The following MGLL variants were observed in gnomAD, a reference collection of about 807,000 sequenced individuals.
MGLL encodes the protein lysophospholipase homolog.
In MGLL, 7 loss-of-function variants were observed where a neutral mutation model predicts 29.1. The observed-to-expected ratio is 0.24, with a 90% CI of 0.14 to 0.45. The LOEUF (loss-of-function observed/expected upper bound fraction) is 0.45. Among genes scored for constraint, MGLL ranks in the 20% least tolerant of loss-of-function variants. The pLI is 0.99. For missense variants in MGLL, 356 were observed against 413.6 expected, an observed-to-expected ratio of 0.86 and a Z score of 1.21; for synonymous variants, 148 against 168.3, an observed-to-expected ratio of 0.88 and a Z score of 0.93.
chr3:127,800,349 T>C (rs1323128045), intron 2 of MGLL, among the ~76,000 whole-genome samples: 1 of 152,200 alleles, frequency 6.6e-6, no homozygotes, highest in Admixed American at 6.5e-5. Context: ...CCTTAACAAA[T>C]GCAGACTATC....
Position 127,822,339 on chromosome 3 carries a change from C to T in MGLL, c.-21G>A, listed in dbSNP as rs1431133850. The T allele has an allele frequency of 1.2e-6, 2 of 1,613,710 alleles. No individual in the cohort carries two copies. The highest frequency in any genetic ancestry group is 2.2e-5 in the South Asian group (2 of 91,078). Reference sequence around the variant, plus strand: ...TCCATTATGTGCTGGCGTTTGCATTCCACAACCACGACAGCCTGGAGAATC... The same window carrying T: ...TCCATTATGTGCTGGCGTTTGCATTTCACAACCACGACAGCCTGGAGAATC... On this transcript the variant is annotated 5_prime_UTR_variant, in exon 1 of 8. Transcript: ENST00000265052.
At chr3:127,784,298 T>C (rs997351932) in intron 2 of MGLL, among the ~76,000 whole-genome samples, 1 of 152,194 alleles carries the variant, frequency 6.6e-6, no homozygotes, top group Non-Finnish European at 1.5e-5. Flanking sequence ...CTGGGTTTAA[T>C]TGGTCTGAGG....
chr3:127,762,246 G>T (rs2076778208), intron 3 of MGLL, among the ~76,000 whole-genome samples: 2 of 151,984 alleles, frequency 1.3e-5, no homozygotes, highest in Non-Finnish European at 2.9e-5. Flanking sequence ...CTGCTCCTGA[G>T]CTCTCCGCGT....
intron 3 of MGLL, among the ~76,000 whole-genome samples, chr3:127,728,212 C>G (rs1179471903): frequency 6.6e-6 from 1 of 152,218 alleles, no homozygotes; most frequent in Non-Finnish European, 1.5e-5. Context: ...TCTCCTCCAT[C>G]TCCCCGCTCG....
intron 2 of MGLL, among the ~76,000 whole-genome samples, chr3:127,813,324 C>G (rs1286855610): frequency 6.6e-6 from 1 of 152,166 alleles, no homozygotes. Context: ...CCTGGCTGCT[C>G]TAAGTAGGTC....
chr3:127,764,174 T>C (rs773242455), intron 3 of MGLL, among the ~76,000 whole-genome samples: 1 of 152,092 alleles, frequency 6.6e-6, no homozygotes, highest in Non-Finnish European at 1.5e-5. Flanking sequence ...TCTGACATGA[T>C]AAAGATGGGC....
At chr3:127,705,067 T>C (rs1231297901) in intron 6 of MGLL, among the ~76,000 whole-genome samples, 1 of 152,220 alleles carries the variant, frequency 6.6e-6, no homozygotes, top group Non-Finnish European at 1.5e-5. Context: ...TCATGTCCTT[T>C]GCAGGGACGT....
At chr3:127,699,632 T>C in intron 6 of MGLL, among the ~76,000 whole-genome samples, 1 of 152,218 alleles carries the variant, frequency 6.6e-6, no homozygotes, top group Non-Finnish European at 1.5e-5. Flanking sequence ...ACTCTGCCAC[T>C]GCCATCAGCA....
chr3:127,719,255 T>A (rs1273252697), intron 5 of MGLL, among the ~76,000 whole-genome samples: 9 of 152,170 alleles, frequency 5.9e-5, no homozygotes, highest in Admixed American at 5.9e-4. Flanking sequence ...AGCTGCCAGG[T>A]CCCCCTGGTG....
chr3:127,739,744 A>G lies in MGLL; in HGVS notation c.263-17178T>C, dbSNP rs181606404. 2.1e-4 allele frequency among the ~76,000 whole-genome samples: 32 copies of G among 152,326 alleles called. No homozygotes were observed. The East Asian group carries it at 5.0e-3, about 24-fold the overall frequency. Reference sequence around the variant, plus strand: ...GAGATTTCATTCATGGAACTCTTACATGGACAACTGGATGCCACGCAGGGG... The same window carrying G: ...GAGATTTCATTCATGGAACTCTTACGTGGACAACTGGATGCCACGCAGGGG... On this transcript the variant is annotated intron_variant, in intron 3 of 7. Transcript: ENST00000265052.
At chr3:127,766,132 C>T (rs374070307) in intron 3 of MGLL, among the ~76,000 whole-genome samples, 110 of 152,296 alleles carry the variant, frequency 7.2e-4, no homozygotes, top group African/African-American at 2.6e-3. Flanking sequence ...CCCATGATCA[C>T]TCCCAAAGGT....
intron 3 of MGLL, among the ~76,000 whole-genome samples, chr3:127,770,632 A>C (rs370750399): frequency 6.6e-6 from 1 of 152,190 alleles, no homozygotes; most frequent in Non-Finnish European, 1.5e-5. Flanking sequence ...GTGCAGCTGC[A>C]TAGAGGGAGT....
intron 2 of MGLL, among the ~76,000 whole-genome samples, chr3:127,800,033 G>T (rs2077449214): frequency 6.6e-6 from 1 of 152,200 alleles, no homozygotes; most frequent in Admixed American, 6.5e-5. Context: ...AATAGAATAT[G>T]AATAGAAGTG....
chr3:127,777,736 C>T (rs2077059989), intron 3 of MGLL, among the ~76,000 whole-genome samples: 1 of 137,166 alleles, frequency 7.3e-6, no homozygotes, highest in Non-Finnish European at 1.6e-5. Context: ...ACAAAACTTC[C>T]CTTTGCTAAC....
At chr3:127,726,146 AAG>A (rs1284020467) in intron 3 of MGLL, among the ~76,000 whole-genome samples, 3 of 26,884 alleles carry the variant, frequency 1.1e-4, no homozygotes, top group African/African-American at 4.3e-4. Context: ...GAAAGAAAGA[AAG>A]AAAGAAAGAA....
chr3:127,728,306 T>TATCCATCC (rs35156008), intron 3 of MGLL, among the ~76,000 whole-genome samples: 16 of 152,098 alleles, frequency 1.1e-4, no homozygotes, highest in Admixed American at 3.3e-4. Flanking sequence ...ACTACCTGTT[T>TATCCATCC]ATCCATCCAT....
intron 2 of MGLL, among the ~76,000 whole-genome samples, chr3:127,794,911 T>C (rs1184240294): frequency 6.6e-6 from 1 of 152,232 alleles, no homozygotes; most frequent in East Asian, 1.9e-4. Context: ...AGAAAGTTAA[T>C]GTGTGTCTAG....
intron 2 of MGLL, among the ~76,000 whole-genome samples, chr3:127,788,758 T>C (rs1180416284): frequency 6.6e-6 from 1 of 152,212 alleles, no homozygotes; most frequent in African/African-American, 2.4e-5. Context: ...TATCCAGAGT[T>C]CATCATCAGG....
chr3:127,705,234 G>A (rs144502663), intron 6 of MGLL, among the ~76,000 whole-genome samples: 2 of 152,134 alleles, frequency 1.3e-5, no homozygotes, highest in East Asian at 1.9e-4. Context: ...GGAGGGGCAC[G>A]GGGGGAGGGA....
Sources: gnomAD v4.1 joint callset for allele counts (sites outside exome capture counted in the v4.1 genomes callset) on GRCh38, gnomAD v4.1.1 for gene constraint, MANE v1.5 for transcripts, NCBI Gene and HGNC (gene_info 2026-07-23, HGNC 2026-07-21) for gene names.